DNAH8: variants seen among roughly 807,000 people sequenced by gnomAD.
DNAH8 encodes dynein axonemal heavy chain 8, also known as axonemal beta dynein heavy chain 8.
A neutral mutation model predicts 562.1 loss-of-function variants in DNAH8; 382 were observed. The ratio of observed to expected loss-of-function variants is 0.68; its 90% CI spans 0.63 to 0.74. The LOEUF (loss-of-function observed/expected upper bound fraction) is 0.74, where lower values mean the gene tolerates loss of function less well. Among genes scored for constraint, DNAH8 ranks in the 30% least tolerant of loss-of-function variants. The pLI, the probability that DNAH8 is intolerant of heterozygous loss-of-function variation, is 0.00. For synonymous variants in DNAH8, 1,881 were observed against 1,919.4 expected (o/e 0.98, Z 0.52); for missense variants, 5,203 against 5,620.4 (o/e 0.93, Z 2.37).
At chr6:38,770,586 C>G (rs776708769) in intron 12 of DNAH8, 27 bp downstream of exon 12, 2 of 1,532,580 alleles carry the variant, frequency 1.3e-6, no homozygotes, top group Non-Finnish European at 1.7e-6. Flanking sequence ...CATCGTACCC[C>G]ACTCCACACC....
chr6:38,812,395 T>G (rs1241177547), intron 24 of DNAH8, among the ~76,000 whole-genome samples: 1 of 152,200 alleles, frequency 6.6e-6, no homozygotes, highest in Non-Finnish European at 1.5e-5. Flanking sequence ...CTGCGGCAAT[T>G]TAGCAATTTT....
In DNAH8 at chr6:38,886,825, TGGAA is replaced by T; in HGVS notation, c.8299_8302del (p.Gly2767CysfsTer19). 6.2e-7 allele frequency: 1 copy of T among 1,614,078 alleles called. No homozygotes were observed. The highest frequency in any genetic ancestry group is 8.5e-7 in the Non-Finnish European group (1 of 1,179,958). On this transcript the variant is annotated frameshift_variant, in exon 57 of 93. Transcript: ENST00000327475. LOFTEE classifies it high-confidence loss of function. The stretch of plus-strand genomic sequence containing the variant: ...GAGATTGTGCGACAGATGATGGAAA[TGGAA>T]GGAATGTACAGCTTGGACAAGCCTG...
At chr6:38,924,442 G>A (rs1376606783) in intron 73 of DNAH8, among the ~76,000 whole-genome samples, 1 of 151,830 alleles carries the variant, frequency 6.6e-6, no homozygotes, top group Non-Finnish European at 1.5e-5. Flanking sequence ...AACCAGGGAG[G>A]CAATGGTTCC....
Position 38,940,235 on chromosome 6 carries a change from G to A in DNAH8, c.12007+1247G>A, listed in dbSNP as rs1783328112. 2.0e-5 allele frequency among the ~76,000 whole-genome samples: 3 copies of A among 152,110 alleles called. No homozygotes were observed. In the South Asian group the frequency reaches 6.2e-4, roughly 32 times the overall value. ...TTCCTAACCTAGCGTAAAGGCAATG[G>A]GAATATACAGGGAGATAAGGGTGTA... On this transcript the variant is annotated intron_variant, in intron 79 of 92. Coordinates refer to ENST00000327475, the MANE Select transcript of DNAH8 (RefSeq NM_001206927.2).
chr6:38,820,132 GT>G (rs1772691149), intron 26 of DNAH8, among the ~76,000 whole-genome samples: 1 of 152,084 alleles, frequency 6.6e-6, no homozygotes, highest in South Asian at 2.1e-4. Flanking sequence ...AGAAAAATTG[GT>G]GTTGAAGAAA....
intron 24 of DNAH8, among the ~76,000 whole-genome samples, chr6:38,811,145 A>G (rs1771757122): frequency 6.6e-6 from 1 of 152,174 alleles, no homozygotes; most frequent in South Asian, 2.1e-4. Context: ...GCTTTCCTTA[A>G]TGCTAGAAAA....
rs780528860 is a variant in DNAH8, at chr6:38,756,042, A to G, written c.1478A>G (p.Tyr493Cys). 4.4e-6 allele frequency: 7 copies of G among 1,606,676 alleles called. No individual in the cohort carries two copies. The highest frequency in any genetic ancestry group is 6.0e-6 in the Non-Finnish European group (7 of 1,173,594). The change falls in exon 10 of 93, where the codon TAT becomes TGT. Residue 493 changes from tyrosine (Y) to cysteine (C), a missense_variant. Physicochemically the swap from Tyr to Cys is radical, Grantham distance 194 (BLOSUM62 -2). This residue lies in a region of DNAH8 where 2,176 missense variants were observed against 2,365.1 expected (regional missense o/e 0.92). Coordinates refer to ENST00000327475, the MANE Select transcript of DNAH8 (RefSeq NM_001206927.2). ...IRMIHGVSRY[Y>C]NTSERMTSLF... Reference sequence around the variant, plus strand: ...ATGATTCACGGTGTGTCAAGGTATTATAATACCTCAGAGAGAATGACCTCA... The same window carrying G: ...ATGATTCACGGTGTGTCAAGGTATTGTAATACCTCAGAGAGAATGACCTCA...
chr6:39,012,409 A>G (rs1320820035), intron 90 of DNAH8, 39 bp from the exon 91 acceptor site: 2 of 1,607,570 alleles, frequency 1.2e-6, no homozygotes, highest in East Asian at 2.2e-5. Context: ...TTCTTTGTTG[A>G]TGTTTCTTAT....
chr6:38,803,119 A>G (rs959521246), intron 21 of DNAH8, 60 bp from the exon 22 acceptor site: 6 of 1,224,702 alleles, frequency 4.9e-6, no homozygotes, highest in Admixed American at 5.3e-5. Context: ...TCATAGGACT[A>G]ATTTTCACAG....
intron 91 of DNAH8, among the ~76,000 whole-genome samples, chr6:39,013,033 G>C (rs1482342658): frequency 6.6e-6 from 1 of 152,184 alleles, no homozygotes; most frequent in African/African-American, 2.4e-5. Context: ...AATTATATTG[G>C]TTTCAAAAAT....
At chr6:38,991,204 A>G (rs1764760595) in intron 88 of DNAH8, among the ~76,000 whole-genome samples, 2 of 152,022 alleles carry the variant, frequency 1.3e-5, no homozygotes, top group Non-Finnish European at 2.9e-5. Context: ...CTTTACACCC[A>G]CCTTGATTCC....
In DNAH8 at chr6:38,780,030, C is replaced by T. The variant is rs1768431235; in HGVS notation, c.2104C>T (p.Gln702Ter). 6.2e-7 allele frequency: 1 copy of T among 1,614,020 alleles called. No homozygotes were observed. The highest frequency in any genetic ancestry group is 8.5e-7 in the Non-Finnish European group (1 of 1,179,968). Residue 702 changes from glutamine (Q) to a stop codon, truncating the protein, a stop_gained, in exon 15 of 93, where the codon CAG becomes TAG. Transcript: ENST00000327475. LOFTEE classifies it high-confidence loss of function. ...EINHTIERIL[Q>*]YYVAELDATK... ...AAACCACACAATAGAGCGTATTCTT[C>T]AGTACTATGTGGCTGAACTTGATGC... is the stretch of plus-strand genomic sequence containing the variant.
intron 41 of DNAH8, among the ~76,000 whole-genome samples, chr6:38,855,477 T>G (rs893249362): frequency 6.6e-6 from 1 of 152,230 alleles, no homozygotes; most frequent in South Asian, 2.1e-4. Flanking sequence ...ACGTTATTTA[T>G]GTATTTATTG....
At chr6:38,881,181 T>C (rs920792006) in intron 53 of DNAH8, among the ~76,000 whole-genome samples, 1 of 152,068 alleles carries the variant, frequency 6.6e-6, no homozygotes, top group Non-Finnish European at 1.5e-5. Flanking sequence ...CTTTGGAAAA[T>C]AGTTTGGCAG....
chr6:38,990,751 G>C (rs1764728387), intron 88 of DNAH8, among the ~76,000 whole-genome samples: 1 of 152,074 alleles, frequency 6.6e-6, no homozygotes, highest in Admixed American at 6.5e-5. Context: ...TCAGCTTTGC[G>C]TGAGGTCCCT....
Position 38,974,535 on chromosome 6 carries a change from T to A in DNAH8, c.12834+6T>A. 6.2e-7 allele frequency: 1 copy of A among 1,611,154 alleles called. No homozygotes were observed. Among genetic ancestry groups the A allele is most frequent in the Non-Finnish European group, 8.5e-7 (1 of 1,178,730 alleles). On this transcript the variant is annotated splice_donor_region_variant and intron_variant, in intron 85 of 92. Coordinates refer to ENST00000327475, the MANE Select transcript of DNAH8 (RefSeq NM_001206927.2). Reference sequence around the variant, plus strand: ...TTTTACACTCCACTGTGCAGGTAACTGCAGAAAGCAGTTTTCACATTTAGG... The same window carrying A: ...TTTTACACTCCACTGTGCAGGTAACAGCAGAAAGCAGTTTTCACATTTAGG...
At chr6:38,801,721 G>A (rs1339631176) in intron 21 of DNAH8, among the ~76,000 whole-genome samples, 2 of 152,188 alleles carry the variant, frequency 1.3e-5, no homozygotes, top group Non-Finnish European at 2.9e-5. Flanking sequence ...GAGGATCACA[G>A]AATATCCTTG....
intron 82 of DNAH8, among the ~76,000 whole-genome samples, chr6:38,955,769 T>C (rs1762205683): frequency 1.3e-5 from 2 of 152,200 alleles, no homozygotes; most frequent in South Asian, 4.2e-4. Context: ...GAATTCTGTA[T>C]CCATCTACAG....
intron 30 of DNAH8, among the ~76,000 whole-genome samples, chr6:38,829,492 T>A (rs751493344): frequency 6.6e-6 from 1 of 152,212 alleles, no homozygotes; most frequent in Non-Finnish European, 1.5e-5. Flanking sequence ...TTCTGATACA[T>A]TTTGAGTTAA....
Sources: gnomAD v4.1 joint callset for allele counts (sites outside exome capture counted in the v4.1 genomes callset) on GRCh38, gnomAD v4.1.1 for gene constraint, gnomAD v4.1.1 regional missense constraint, MANE v1.5 for transcripts, NCBI Gene and HGNC (gene_info 2026-07-23, HGNC 2026-07-21) for gene names.